The following CDKAL1 variants were observed in gnomAD, a reference collection of about 807,000 sequenced individuals.
CDKAL1 encodes the protein threonylcarbamoyladenosine tRNA methylthiotransferase.
A neutral mutation model predicts 68.2 loss-of-function variants in CDKAL1; 32 were observed. The ratio of observed to expected loss-of-function variants is 0.47; its 90% CI spans 0.35 to 0.63. The LOEUF (loss-of-function observed/expected upper bound fraction) is 0.63, where lower values mean the gene tolerates loss of function less well. Among genes scored for constraint, CDKAL1 ranks in the 30% least tolerant of loss-of-function variants. The pLI is 0.00. For missense variants in CDKAL1, 606 were observed against 696.7 expected, an observed-to-expected ratio of 0.87 and a Z score of 1.47; for synonymous variants, 234 against 244.3, an observed-to-expected ratio of 0.96 and a Z score of 0.39.
intron 13 of CDKAL1, among the ~76,000 whole-genome samples, chr6:21,155,672 A>G (rs9348457): frequency 0.34 from 51,450 of 152,104 alleles, 9,044 homozygotes; most frequent in African/African-American, 0.43. Flanking sequence ...TGATTCACTT[A>G]TAAGTCACTT....
intron 9 of CDKAL1, among the ~76,000 whole-genome samples, chr6:20,871,891 A>C (rs1760236320): frequency 6.6e-6 from 1 of 152,206 alleles, no homozygotes; most frequent in South Asian, 2.1e-4. Context: ...ATTAGTTTAC[A>C]AACAATATAT....
intron 6 of CDKAL1, among the ~76,000 whole-genome samples, chr6:20,741,161 G>A (rs986956168): frequency 6.6e-6 from 1 of 152,052 alleles, no homozygotes; most frequent in South Asian, 2.1e-4. Flanking sequence ...TGCAGTGTAA[G>A]GGAGGACACT....
chr6:20,580,950 C>T (rs572410569), intron 4 of CDKAL1, among the ~76,000 whole-genome samples: 6 of 152,182 alleles, frequency 3.9e-5, no homozygotes, highest in Middle Eastern at 3.4e-3. Flanking sequence ...CCACCACGCC[C>T]GGCTAATTTT....
At chr6:20,926,682 C>T (rs1763203083) in intron 9 of CDKAL1, among the ~76,000 whole-genome samples, 1 of 151,952 alleles carries the variant, frequency 6.6e-6, no homozygotes, top group South Asian at 2.1e-4. Context: ...GATACGTATG[C>T]ATTGAATGTC....
rs1258138552 is a variant in CDKAL1 at position 20,770,730 on chromosome 6, A to G, written c.518-10415A>G. Among the ~76,000 whole-genome samples the G allele has an allele frequency of 2.0e-5, 3 of 152,340 alleles. No homozygotes were observed. The East Asian group carries it at 5.8e-4, about 29-fold the overall frequency. On this transcript the variant is annotated intron_variant, in intron 7 of 15. Transcript: ENST00000274695. ...ATGGGGCCCCTTCCTGCCAAGTCTT[A>G]ATAAATCTTTTAAGTGAAATCCAGT... is the stretch of plus-strand genomic sequence containing the variant.
At chr6:20,544,006 G>A (rs921289137) in intron 2 of CDKAL1, among the ~76,000 whole-genome samples, 5 of 151,942 alleles carry the variant, frequency 3.3e-5, no homozygotes, top group Admixed American at 1.3e-4. Context: ...CCAGAGTGCT[G>A]GGATTATAGG....
intron 4 of CDKAL1, among the ~76,000 whole-genome samples, chr6:20,569,739 A>G (rs1316912327): frequency 6.6e-6 from 1 of 152,214 alleles, no homozygotes. Flanking sequence ...AGTTGATTAT[A>G]TTCAATTTAC....
chr6:20,609,643 A>G (rs973360758), intron 4 of CDKAL1, among the ~76,000 whole-genome samples: 1 of 151,646 alleles, frequency 6.6e-6, no homozygotes, highest in Non-Finnish European at 1.5e-5. Context: ...TGATCTGCCC[A>G]CCTTGGCCTC....
At chr6:21,144,631 C>CAA (rs59162861) in intron 13 of CDKAL1, among the ~76,000 whole-genome samples, 1,766 of 126,828 alleles carry the variant, frequency 0.014, 30 homozygotes, top group African/African-American at 0.038. Context: ...CAAAAAATAC[C>CAA]AAAAAAAAAA....
At chr6:21,122,615 C>T (rs1774779246) in intron 13 of CDKAL1, among the ~76,000 whole-genome samples, 1 of 137,530 alleles carries the variant, frequency 7.3e-6, no homozygotes, top group African/African-American at 2.9e-5. Flanking sequence ...TGATTTGTTA[C>T]TGTATTTTAT....
intron 13 of CDKAL1, among the ~76,000 whole-genome samples, chr6:21,118,851 G>A (rs752512058): frequency 1.4e-4 from 21 of 152,306 alleles, no homozygotes; most frequent in Non-Finnish European, 2.5e-4. Context: ...GTAGACACAT[G>A]GGTAAGAAAG....
At chr6:21,172,618 A>G (rs191934261) in intron 13 of CDKAL1, among the ~76,000 whole-genome samples, 2 of 152,264 alleles carry the variant, frequency 1.3e-5, no homozygotes, top group African/African-American at 4.8e-5. Context: ...TTAGCCAGGC[A>G]TGGTAGCATG....
At chr6:20,894,066 A>G (rs571807837) in intron 9 of CDKAL1, among the ~76,000 whole-genome samples, 1 of 152,330 alleles carries the variant, frequency 6.6e-6, no homozygotes, top group Non-Finnish European at 1.5e-5. Flanking sequence ...GTACATTTTA[A>G]TCAAAGACAG....
In CDKAL1 at chr6:20,703,578, T is replaced by C. The variant is rs1045488235; in HGVS notation, c.372-35941T>C. 2.6e-5 allele frequency among the ~76,000 whole-genome samples: 4 copies of C among 152,352 alleles called. No individual in the cohort carries two copies. The East Asian group carries it at 7.7e-4, about 29-fold the overall frequency. ...GATTTTGAAGATATTTTATAGTTAT[T>C]GTTCCATTTGAATGAAGTAAAAATG... On this transcript the variant is annotated intron_variant, in intron 5 of 15. Coordinates refer to ENST00000274695, the MANE Select transcript of CDKAL1 (RefSeq NM_017774.3).
chr6:21,186,409 A>C (rs1778016705), intron 13 of CDKAL1, among the ~76,000 whole-genome samples: 1 of 152,166 alleles, frequency 6.6e-6, no homozygotes, highest in Non-Finnish European at 1.5e-5. Flanking sequence ...TAAAAAATGA[A>C]TTTTTTGATA....
chr6:20,743,093 A>G (rs1016682147), intron 6 of CDKAL1, among the ~76,000 whole-genome samples: 2 of 152,162 alleles, frequency 1.3e-5, no homozygotes, highest in African/African-American at 4.8e-5. Flanking sequence ...ACAAAGAGAA[A>G]ACAGTTCTGA....
intron 9 of CDKAL1, among the ~76,000 whole-genome samples, chr6:20,926,150 G>T (rs566081728): frequency 6.2e-4 from 95 of 152,120 alleles, no homozygotes; most frequent in African/African-American, 2.2e-3. Flanking sequence ...GGCATCAAGA[G>T]AATAAAAGAA....
intron 12 of CDKAL1, among the ~76,000 whole-genome samples, chr6:21,070,095 CAT>C (rs1290007000): frequency 1.3e-5 from 2 of 151,294 alleles, no homozygotes; most frequent in Non-Finnish European, 3.0e-5. Context: ...CAGATTTTCT[CAT>C]CCTCCTCACC....
intron 10 of CDKAL1, among the ~76,000 whole-genome samples, chr6:20,989,151 C>A (rs1480196845): frequency 1.4e-4 from 22 of 151,834 alleles, no homozygotes. Context: ...AAAAAAAATA[C>A]CTATGTCATA....
Sources: allele counts gnomAD v4.1 joint callset (sites outside exome capture counted in the v4.1 genomes callset), GRCh38; gene constraint gnomAD v4.1.1; transcripts MANE v1.5; gene names NCBI Gene and HGNC (gene_info 2026-07-23, HGNC 2026-07-21).